Variants in BMPER observed in about 807,000 individuals in gnomAD.
BMPER encodes BMP binding endothelial regulator, also known as BMP-binding endothelial regulator protein.
Under a neutral mutation model 87.3 loss-of-function variants are expected in BMPER, and 45 were observed. That is an observed-to-expected ratio of 0.52 (90% CI 0.41 to 0.66). The LOEUF is 0.66. Among genes scored for constraint, BMPER ranks in the 30% least tolerant of loss-of-function variants. The pLI is 0.00. For synonymous variants in BMPER, 326 were observed against 316.2 expected (o/e 1.03, Z -0.33); for missense variants, 784 against 867.5 (o/e 0.90, Z 1.21).
chr7:34,147,481 G>C (rs374029191), intron 14 of BMPER, among the ~76,000 whole-genome samples: 1 of 152,044 alleles, frequency 6.6e-6, no homozygotes, highest in Non-Finnish European at 1.5e-5. Context: ...TTGTTTGTTT[G>C]TTTTTTGAGA....
At chr7:34,055,602 C>T (rs1159604181) in intron 9 of BMPER, among the ~76,000 whole-genome samples, 1 of 152,160 alleles carries the variant, frequency 6.6e-6, no homozygotes, top group East Asian at 1.9e-4. Flanking sequence ...TACCTCATCT[C>T]GTTGGAGATG....
intron 13 of BMPER, among the ~76,000 whole-genome samples, chr7:34,128,733 G>T (rs1300018130): frequency 6.6e-6 from 1 of 152,148 alleles, no homozygotes; most frequent in Admixed American, 6.5e-5. Flanking sequence ...TGAATAAAGG[G>T]CTGGAAGTTA....
At chr7:34,110,161 G>A (rs1471453287) in intron 13 of BMPER, among the ~76,000 whole-genome samples, 1 of 152,168 alleles carries the variant, frequency 6.6e-6, no homozygotes, top group Non-Finnish European at 1.5e-5. Context: ...CATTGGCTGT[G>A]CACTGTAGTT....
intron 6 of BMPER, among the ~76,000 whole-genome samples, chr7:34,025,288 A>G (rs917427240): frequency 2.0e-5 from 3 of 152,010 alleles, no homozygotes; most frequent in African/African-American, 7.2e-5. Flanking sequence ...ATACATTTTC[A>G]TTTGCCTGAG....
At chr7:33,945,592 G>A (rs1424570000) in intron 3 of BMPER, among the ~76,000 whole-genome samples, 2 of 152,022 alleles carry the variant, frequency 1.3e-5, no homozygotes, top group African/African-American at 4.8e-5. Context: ...TCATCCTGAG[G>A]CTCATGAAAG....
intron 2 of BMPER, among the ~76,000 whole-genome samples, chr7:33,928,639 C>CAAAAAAAAAA (rs35451161): frequency 2.0e-5 from 1 of 49,088 alleles, no homozygotes; most frequent in Non-Finnish European, 3.5e-5. Flanking sequence ...TTGAAAAAGC[C>CAAAAAAAAAA]AAAAAAAAAA....
intron 6 of BMPER, among the ~76,000 whole-genome samples, chr7:33,981,968 G>T (rs1272260811): frequency 1.3e-5 from 2 of 152,094 alleles, no homozygotes; most frequent in East Asian, 1.9e-4. Context: ...CAACAATCAG[G>T]GCCACTCACT....
At chr7:34,130,975 T>C (rs1790569713) in intron 13 of BMPER, among the ~76,000 whole-genome samples, 1 of 152,132 alleles carries the variant, frequency 6.6e-6, no homozygotes, top group African/African-American at 2.4e-5. Flanking sequence ...GAGAAAATCA[T>C]GTGATGCCTC....
chr7:34,135,706 T>C (rs192077216), intron 13 of BMPER, among the ~76,000 whole-genome samples: 62 of 152,268 alleles, frequency 4.1e-4, no homozygotes, highest in Non-Finnish European at 7.9e-4. Flanking sequence ...TTCATAATAG[T>C]CTTTATGTCA....
intron 13 of BMPER, among the ~76,000 whole-genome samples, chr7:34,115,150 G>T (rs1056124555): frequency 6.6e-6 from 1 of 152,162 alleles, no homozygotes; most frequent in African/African-American, 2.4e-5. Flanking sequence ...CCCTCCAGGT[G>T]CTGGAATTCC....
chr7:34,027,132 A>G (rs911492679), intron 6 of BMPER, among the ~76,000 whole-genome samples: 2 of 152,160 alleles, frequency 1.3e-5, no homozygotes, highest in Non-Finnish European at 2.9e-5. Flanking sequence ...TCAAGAATGT[A>G]AAAGTCAAAG....
At chr7:34,130,186 GTCTC>G (rs10583920) in intron 13 of BMPER, among the ~76,000 whole-genome samples, 665 of 147,902 alleles carry the variant, frequency 4.5e-3, no homozygotes, top group Admixed American at 5.4e-3. Flanking sequence ...TCTTGATTCT[GTCTC>G]TCTCTCTCTC....
chr7:34,056,711 G>A (rs1190037060), intron 9 of BMPER, among the ~76,000 whole-genome samples: 4 of 151,544 alleles, frequency 2.6e-5, no homozygotes, highest in South Asian at 2.1e-4. Flanking sequence ...TCCACCTCCC[G>A]GGTTCAAGTG....
At chr7:33,939,441 C>A (rs903655579) in intron 3 of BMPER, among the ~76,000 whole-genome samples, 9 of 152,128 alleles carry the variant, frequency 5.9e-5, no homozygotes, top group Admixed American at 5.2e-4. Context: ...GAAATCCCAA[C>A]GCATTTGGGG....
intron 13 of BMPER, among the ~76,000 whole-genome samples, chr7:34,108,188 C>T (rs1294741022): frequency 1.3e-5 from 2 of 152,166 alleles, no homozygotes; most frequent in Admixed American, 6.5e-5. Context: ...GTGCTATTGA[C>T]GGGTTAATGG....
intron 14 of BMPER, among the ~76,000 whole-genome samples, chr7:34,151,892 C>G (rs982973822): frequency 2.0e-5 from 3 of 152,154 alleles, no homozygotes; most frequent in Non-Finnish European, 4.4e-5. Flanking sequence ...ATTGATTACT[C>G]GCTGGATAGA....
intron 11 of BMPER, 79 bp downstream of exon 11, chr7:34,062,126 G>A: frequency 7.7e-7 from 1 of 1,293,520 alleles, no homozygotes; most frequent in Non-Finnish European, 1.1e-6. Flanking sequence ...AGGGGTGTAT[G>A]TTTCCCACAC....
At chr7:33,965,906 T>G (rs1785394516) in intron 3 of BMPER, among the ~76,000 whole-genome samples, 1 of 152,200 alleles carries the variant, frequency 6.6e-6, no homozygotes, top group Non-Finnish European at 1.5e-5. Flanking sequence ...TAGTCTAATT[T>G]ACTACCTAAA....
Position 34,100,895 on chromosome 7 carries a change from A to ACATTC in BMPER, c.1745+14805_1745+14809dup, listed in dbSNP as rs1343379571. On this transcript the variant is annotated intron_variant, in intron 13 of 14. Coordinates refer to ENST00000649409, the MANE Select transcript of BMPER (RefSeq NM_001365308.1). ...CAGACATGTCCACACTCCCCAGCAC[A>ACATTC]CATTCCGTAATGTCACCACACTGGC... is the stretch of plus-strand genomic sequence containing the variant. 6.6e-5 allele frequency among the ~76,000 whole-genome samples: 10 copies of ACATTC among 152,280 alleles called. No homozygotes were observed. The South Asian group carries it at 1.5e-3, about 22-fold the overall frequency.
Sources: allele counts gnomAD v4.1 joint callset (sites outside exome capture counted in the v4.1 genomes callset), GRCh38; gene constraint gnomAD v4.1.1; transcripts MANE v1.5; gene names NCBI Gene and HGNC (gene_info 2026-07-23, HGNC 2026-07-21).